GRIK3: variants seen among roughly 807,000 people sequenced by gnomAD.
GRIK3 encodes the protein glutamate ionotropic receptor kainate type subunit 3.
Under a neutral mutation model 102.5 loss-of-function variants are expected in GRIK3, and 29 were observed. The observed-to-expected ratio is 0.28, with a 90% CI of 0.21 to 0.39. The LOEUF (loss-of-function observed/expected upper bound fraction) is 0.39. GRIK3 is among the 10% of genes least tolerant of loss of function. The probability of loss-of-function intolerance (pLI) is 1.00; values close to 1 mark genes in which losing one functional copy is unlikely to be tolerated. For missense variants in GRIK3, 908 were observed against 1,252.4 expected, an observed-to-expected ratio of 0.73 and a Z score of 4.15; for synonymous variants, 511 against 504.9, an observed-to-expected ratio of 1.01 and a Z score of -0.16.
chr1:36,993,597 G>A (rs573611990), intron 1 of GRIK3, among the ~76,000 whole-genome samples: 4 of 152,314 alleles, frequency 2.6e-5, no homozygotes, highest in East Asian at 1.9e-4. Context: ...GCATCCTCAC[G>A]GTGAAGTGAT....
intron 1 of GRIK3, among the ~76,000 whole-genome samples, chr1:36,920,500 TG>T (rs1028469556): frequency 2.0e-5 from 3 of 152,088 alleles, no homozygotes; most frequent in African/African-American, 7.2e-5. Context: ...GTCTGCTGTT[TG>T]GGGTTGGATT....
chr1:36,943,034 C>A (rs1245709211), intron 1 of GRIK3, among the ~76,000 whole-genome samples: 1 of 152,180 alleles, frequency 6.6e-6, no homozygotes, highest in Non-Finnish European at 1.5e-5. Flanking sequence ...CACATTCCCA[C>A]TCACCAGCAT....
intron 1 of GRIK3, among the ~76,000 whole-genome samples, chr1:36,983,222 C>T (rs1329896519): frequency 6.6e-6 from 1 of 152,160 alleles, no homozygotes; most frequent in African/African-American, 2.4e-5. Context: ...GGTGCACACA[C>T]AAACACACCC....
chr1:36,816,182 G>A (rs1642624287), intron 13 of GRIK3, among the ~76,000 whole-genome samples: 2 of 152,280 alleles, frequency 1.3e-5, no homozygotes, highest in East Asian at 1.9e-4. Flanking sequence ...GGCATCCCTG[G>A]ACAAGCCACT....
chr1:36,992,136 C>T (rs1642369385), intron 1 of GRIK3, among the ~76,000 whole-genome samples: 1 of 152,176 alleles, frequency 6.6e-6, no homozygotes, highest in South Asian at 2.1e-4. Flanking sequence ...GGATTTGGAC[C>T]CTGGGCATAG....
chr1:36,848,515 G>T (rs887057149), intron 9 of GRIK3, among the ~76,000 whole-genome samples: 1 of 151,404 alleles, frequency 6.6e-6, no homozygotes, highest in African/African-American at 2.4e-5. Flanking sequence ...TGACATTTGG[G>T]TGTTACATTT....
intron 10 of GRIK3, among the ~76,000 whole-genome samples, chr1:36,833,248 TC>T (rs1427706216): frequency 2.6e-5 from 4 of 152,142 alleles, no homozygotes; most frequent in African/African-American, 9.7e-5. Flanking sequence ...GTTCACCTGA[TC>T]CTGTCCCCTG....
chr1:36,853,879 G>A (rs781253444), intron 7 of GRIK3, among the ~76,000 whole-genome samples, 157 bp from the exon 8 acceptor site: 7 of 152,120 alleles, frequency 4.6e-5, no homozygotes, highest in Non-Finnish European at 8.8e-5. Flanking sequence ...CTCGGGCTGC[G>A]GTGTGAGCCA....
At chr1:36,973,505 C>T (rs552723156) in intron 1 of GRIK3, among the ~76,000 whole-genome samples, 3 of 151,272 alleles carry the variant, frequency 2.0e-5, no homozygotes, top group South Asian at 2.1e-4. Flanking sequence ...CCACAACCTC[C>T]ACCTCCCGGG....
intron 1 of GRIK3, among the ~76,000 whole-genome samples, chr1:36,897,712 C>T (rs1022166842): frequency 6.6e-6 from 1 of 152,148 alleles, no homozygotes; most frequent in Non-Finnish European, 1.5e-5. Context: ...ATTAGGACAA[C>T]CACCTTGGAG....
intron 15 of GRIK3, chr1:36,804,636 T>A (rs1642477758): frequency 7.0e-6 from 3 of 430,890 alleles, no homozygotes; most frequent in Non-Finnish European, 8.2e-6. Flanking sequence ...CCCTGGAGGG[T>A]TTTATGCAGG....
At chr1:36,939,124 G>A (rs1041622853) in intron 1 of GRIK3, among the ~76,000 whole-genome samples, 3 of 152,302 alleles carry the variant, frequency 2.0e-5, no homozygotes, top group South Asian at 2.1e-4. Flanking sequence ...TACTTGATAC[G>A]AGGCTTCTCT....
rs554313751 is a variant in GRIK3 at position 36,869,775 on chromosome 1, C to G, written c.759G>C (p.Glu253Asp). ...GAGTGGTGAAGATGAAGTGGTAGTA[C>G]TCAGTCATCATGCCCATGGCCATGG... Reference protein sequence around the residue: ...KQAMAMGMMTEYYHFIFTTLD... With the variant: ...KQAMAMGMMTDYYHFIFTTLD... The change falls in exon 5 of 16, where the codon GAG becomes GAC. Residue 253 changes from glutamate (E) to aspartate (D), a missense_variant. This residue lies in a region of GRIK3 where 585 missense variants were observed against 824.9 expected (regional missense o/e 0.71). Transcript: ENST00000373091. 1.2e-6 allele frequency: 2 copies of G among 1,613,068 alleles called. No individual in the cohort carries two copies. The highest frequency in any genetic ancestry group is 1.7e-6 in the Non-Finnish European group (2 of 1,178,992).
intron 1 of GRIK3, among the ~76,000 whole-genome samples, chr1:36,954,902 T>C (rs1278788683): frequency 6.6e-6 from 1 of 152,232 alleles, no homozygotes; most frequent in East Asian, 1.9e-4. Flanking sequence ...TGCCTGTGTG[T>C]ACCCACCTGT....
intron 2 of GRIK3, among the ~76,000 whole-genome samples, chr1:36,890,008 G>T (rs1179052313): frequency 6.6e-6 from 1 of 152,112 alleles, no homozygotes; most frequent in African/African-American, 2.4e-5. Flanking sequence ...CACTGCACAG[G>T]GTAGGCTGCA....
chr1:36,836,981 C>T (rs1488719426), intron 10 of GRIK3, among the ~76,000 whole-genome samples: 1 of 152,002 alleles, frequency 6.6e-6, no homozygotes, highest in African/African-American at 2.4e-5. Flanking sequence ...GCCACTGACC[C>T]TCCCCCCCTT....
At chr1:37,025,109 C>A (rs1030349737) in intron 1 of GRIK3, among the ~76,000 whole-genome samples, 2 of 152,154 alleles carry the variant, frequency 1.3e-5, no homozygotes, top group African/African-American at 4.8e-5. Flanking sequence ...TGCAGGGAGA[C>A]ACATGTTAGC....
At chr1:36,979,129 T>C (rs1642223073) in intron 1 of GRIK3, among the ~76,000 whole-genome samples, 1 of 152,246 alleles carries the variant, frequency 6.6e-6, no homozygotes. Context: ...TTCTATAAAC[T>C]GAATTGCCCC....
intron 10 of GRIK3, 22 bp from the exon 11 acceptor site, chr1:36,825,848 AAGAC>A: frequency 6.5e-7 from 1 of 1,536,492 alleles, no homozygotes; most frequent in Non-Finnish European, 8.9e-7. Flanking sequence ...CAGAGAGAGA[AAGAC>A]AGACTATGAG....
Sources: allele counts gnomAD v4.1 joint callset (sites outside exome capture counted in the v4.1 genomes callset), GRCh38; gene constraint gnomAD v4.1.1; regional missense constraint gnomAD v4.1.1; transcripts MANE v1.5; gene names NCBI Gene and HGNC (gene_info 2026-07-23, HGNC 2026-07-21).